The following ABCA12 variants were observed in gnomAD, a reference collection of about 807,000 sequenced individuals.
ABCA12 encodes the protein glucosylceramide transporter ABCA12.
In ABCA12, 156 loss-of-function variants were observed where a neutral mutation model predicts 293.5. The observed-to-expected ratio is 0.53, with a 90% CI of 0.47 to 0.61. ABCA12 has a LOEUF of 0.61. Among genes scored for constraint, ABCA12 ranks in the 20% least tolerant of loss-of-function variants. The probability of loss-of-function intolerance (pLI) is 0.00; values close to 1 mark genes in which losing one functional copy is unlikely to be tolerated. For missense variants in ABCA12, 2,797 were observed against 3,090.2 expected (o/e 0.91, Z 2.25); for synonymous variants, 1,063 against 1,108.0 (o/e 0.96, Z 0.81).
At chr2:215,011,309 T>G (rs1392357765) in intron 17 of ABCA12, 130 bp downstream of exon 17, 1 of 733,960 alleles carries the variant, frequency 1.4e-6, no homozygotes, top group Admixed American at 2.4e-5. Context: ...GTAAGTGCTG[T>G]ATAATTATTT....
intron 45 of ABCA12, among the ~76,000 whole-genome samples, chr2:214,949,403 C>G (rs1326433490): frequency 2.0e-5 from 3 of 151,086 alleles, no homozygotes; most frequent in Middle Eastern, 3.2e-3. Flanking sequence ...CACACACACA[C>G]AGGACCTATT....
chr2:215,058,575 G>A (rs997715431), intron 3 of ABCA12, among the ~76,000 whole-genome samples: 4 of 151,980 alleles, frequency 2.6e-5, no homozygotes, highest in Admixed American at 6.6e-5. Flanking sequence ...CACTGAATTC[G>A]GGACATAGGC....
intron 2 of ABCA12, among the ~76,000 whole-genome samples, chr2:215,101,977 C>A (rs1015633908): frequency 6.6e-6 from 1 of 152,150 alleles, no homozygotes; most frequent in African/African-American, 2.4e-5. Flanking sequence ...TGCAGGAACA[C>A]CTTCTAAACT....
rs960943801 is a variant in ABCA12 at position 214,989,461 on chromosome 2, G to A, written c.3697C>T (p.Leu1233Phe). Reference protein sequence around the residue: ...IARYEEQGIGLQWENMYTSPV... With the variant: ...IARYEEQGIGFQWENMYTSPV... ...GAGGTGTACATATTTTCCCACTGAA[G>A]ACCTAAAAAGTGAACACAAGTGTTT... The change falls in exon 26 of 53, where the codon CTT becomes TTT. Residue 1233 changes from leucine (L) to phenylalanine (F), a missense_variant and splice_region_variant. Coordinates refer to ENST00000272895, the MANE Select transcript of ABCA12 (RefSeq NM_173076.3). 1.9e-6 allele frequency: 3 copies of A among 1,613,462 alleles called. No individual in the cohort carries two copies. In the African/African-American group the frequency reaches 4.0e-5, roughly 22 times the overall value.
chr2:215,050,028 T>C (rs1191153408), intron 5 of ABCA12, among the ~76,000 whole-genome samples: 1 of 152,180 alleles, frequency 6.6e-6, no homozygotes, highest in African/African-American at 2.4e-5. Context: ...TGTTATTATT[T>C]AAATGATTTA....
chr2:215,021,058 C>A (rs1416476884), intron 11 of ABCA12, among the ~76,000 whole-genome samples: 1 of 152,164 alleles, frequency 6.6e-6, no homozygotes, highest in East Asian at 1.9e-4. Context: ...ACCTTGTTGC[C>A]CTGGCTGGTC....
At position 214,937,501 on chromosome 2, in the gene ABCA12, A is replaced by G. The variant is rs1017780129; in HGVS notation, c.7542+9T>C. On this transcript the variant is annotated intron_variant, in intron 51 of 52. Transcript: ENST00000272895. ...GCGTGAGCCACTGCACCCAGCCATC[A>G]TCACTTACTTTTAAGTATGTTTTTG... The G allele has an allele frequency of 6.2e-7, 1 of 1,609,282 alleles. No homozygotes were observed. Among genetic ancestry groups the G allele is most frequent in the African/African-American group, 1.3e-5 (1 of 74,942 alleles).
intron 34 of ABCA12, 30 bp from the exon 35 acceptor site, chr2:214,974,894 A>T: frequency 1.3e-6 from 2 of 1,576,814 alleles, no homozygotes; most frequent in Non-Finnish European, 1.7e-6. Context: ...AAACAAATTC[A>T]TGATTTTTCT....
intron 1 of ABCA12, among the ~76,000 whole-genome samples, chr2:215,133,149 A>ATTTTTTTTTTTTTT (rs55641331): frequency 2.9e-5 from 1 of 34,880 alleles, no homozygotes; most frequent in Non-Finnish European, 7.1e-5. Flanking sequence ...GCTGGCTTTA[A>ATTTTTTTTTTTTTT]TTTTTTTTTT....
chr2:215,099,717 C>A (rs1198652902), intron 2 of ABCA12, among the ~76,000 whole-genome samples: 1 of 151,582 alleles, frequency 6.6e-6, no homozygotes, highest in Non-Finnish European at 1.5e-5. Flanking sequence ...AAAATTCTGA[C>A]CCCTGGAAAA....
intron 11 of ABCA12, chr2:215,025,427 C>A (rs1196048880): frequency 1.6e-5 from 7 of 440,040 alleles, no homozygotes; most frequent in Non-Finnish European, 8.1e-6. Context: ...TCCTGAGTAG[C>A]TGGAATTACA....
intron 1 of ABCA12, among the ~76,000 whole-genome samples, chr2:215,134,553 T>TATACGCATATATGTACATATATAC (rs369554870): frequency 4.5e-5 from 5 of 111,792 alleles, no homozygotes; most frequent in Non-Finnish European, 1.0e-4. Context: ...TATACGTATA[T>TATACGCATATATGTACATATATAC]GTATATATGT....
intron 1 of ABCA12, among the ~76,000 whole-genome samples, 153 bp from the exon 2 acceptor site, chr2:215,111,843 AT>A (rs1335923708): frequency 3.9e-5 from 6 of 152,282 alleles, no homozygotes; most frequent in South Asian, 4.1e-4. Flanking sequence ...TGAATGAGAG[AT>A]TTTTTTAATA....
chr2:214,962,811 G>C (rs1212120018), intron 39 of ABCA12: 1 of 152,138 alleles, frequency 6.6e-6, no homozygotes, highest in Non-Finnish European at 1.5e-5. Context: ...ACCTTTTCCA[G>C]AATGACTCTT....
chr2:215,031,008 G>A (rs1034596476), intron 9 of ABCA12, among the ~76,000 whole-genome samples: 6 of 152,072 alleles, frequency 3.9e-5, no homozygotes, highest in Non-Finnish European at 7.4e-5. Flanking sequence ...AGGCCATCTC[G>A]TCTCTAAATT....
In ABCA12 at chr2:215,064,081, G is replaced by A; in HGVS notation, c.302C>T (p.Ala101Val). Residue 101 changes from alanine to valine, a missense_variant, in exon 3 of 53, where the codon GCA becomes GTA. This residue lies in a region of ABCA12 where 656 missense variants were observed against 638.2 expected (regional missense o/e 1.03). Transcript: ENST00000272895. ...DLLRRKGIDD[A>V]LFKDSEILRK... ...GTGCCCCCACCTGTCTTTAAATAGT[G>A]CATCATCAATTCCTTTCCTACGAAG... is the stretch of plus-strand genomic sequence containing the variant. The A allele has an allele frequency of 1.2e-6, 2 of 1,612,756 alleles. No individual in the cohort carries two copies. Among genetic ancestry groups the A allele is most frequent in the Non-Finnish European group, 1.7e-6 (2 of 1,179,086 alleles).
At chr2:215,087,487 C>CGTGTGTGTGTGTGTGTGTGTGT (rs3050135) in intron 2 of ABCA12, among the ~76,000 whole-genome samples, 5 of 149,520 alleles carry the variant, frequency 3.3e-5, no homozygotes, top group African/African-American at 1.2e-4. Context: ...ATACAGGCTT[C>CGTGTGTGTGTGTGTGTGTGTGT]GTGTGTGTGT....
At chr2:214,944,754 C>A in intron 49 of ABCA12, among the ~76,000 whole-genome samples, 1 of 152,098 alleles carries the variant, frequency 6.6e-6, no homozygotes, top group East Asian at 1.9e-4. Flanking sequence ...ACTATATTCT[C>A]ACCATGAAAC....
chr2:215,061,009 T>C (rs1235473803), intron 3 of ABCA12, among the ~76,000 whole-genome samples: 2 of 151,938 alleles, frequency 1.3e-5, no homozygotes, highest in Admixed American at 1.3e-4. Context: ...CCCTGTATGC[T>C]CTAGGGGATG....
Sources: allele counts gnomAD v4.1 joint callset (sites outside exome capture counted in the v4.1 genomes callset), GRCh38; gene constraint gnomAD v4.1.1; regional missense constraint gnomAD v4.1.1; transcripts MANE v1.5; gene names NCBI Gene and HGNC (gene_info 2026-07-23, HGNC 2026-07-21).